The following WDR48 variants were observed in gnomAD, a reference collection of about 807,000 sequenced individuals.
WDR48 encodes WD repeat-containing protein 48.
WDR48 carries 22 observed loss-of-function variants against 94.0 expected under a neutral mutation model. The ratio of observed to expected loss-of-function variants is 0.23; its 90% confidence interval spans 0.17 to 0.33. The LOEUF is 0.33. WDR48 is among the 10% of genes least tolerant of loss of function. The pLI is 1.00. For missense variants in WDR48, 541 were observed against 813.8 expected (o/e 0.66, Z 4.08); for synonymous variants, 278 against 280.5 (o/e 0.99, Z 0.09).
Position 39,066,890 on chromosome 3 carries a change from A to C in WDR48, c.481+15A>C, listed in dbSNP as rs771234711. On this transcript the variant is annotated intron_variant, in intron 5 of 18. Transcript: ENST00000302313. ...CACTGTCACAAGTAAGGTGTTTAAA[A>C]GAAACTTCTTTGAAAGTGATCCAAG... The C allele has an allele frequency of 6.2e-7, 1 of 1,606,422 alleles. No homozygotes were observed. Among genetic ancestry groups the C allele is most frequent in the Non-Finnish European group, 8.5e-7 (1 of 1,177,432 alleles).
chr3:39,088,278 A>G, intron 15 of WDR48, 45 bp downstream of exon 15: 1 of 1,579,146 alleles, frequency 6.3e-7, no homozygotes, highest in Non-Finnish European at 8.7e-7. Context: ...AAGGTATCCC[A>G]TTTGCTAAGA....
chr3:39,085,504 CT>C lies in WDR48; in HGVS notation c.1379-5del, dbSNP rs964121214. 6.2e-7 allele frequency: 1 copy of C among 1,603,276 alleles called. No homozygotes were observed. Among genetic ancestry groups the C allele is most frequent in the African/African-American group, 1.3e-5 (1 of 74,592 alleles). ...TTCCATTTTATCTCTTTTTAATTAA[CT>C]TTTTTGCAGTGAATTTAGGAGGACT... On this transcript the variant is annotated splice_polypyrimidine_tract_variant and intron_variant, in intron 13 of 18. Transcript: ENST00000302313.
At chr3:39,092,638 A>AGTCT (rs1395056991) in intron 17 of WDR48, among the ~76,000 whole-genome samples, 1 of 152,130 alleles carries the variant, frequency 6.6e-6, no homozygotes, top group Non-Finnish European at 1.5e-5. Context: ...GTCCAGGGAG[A>AGTCT]CCCAAGAGAA....
At position 39,075,041 on chromosome 3, in the gene WDR48, A is replaced by G. The variant is rs551888994; in HGVS notation, c.897+91A>G. 173 of 1,297,728 alleles carry G rather than the reference A, an allele frequency of 1.3e-4. No homozygotes were observed. The African/African-American group carries it at 2.2e-3, about 17-fold the overall frequency. The allele number at this position is 1,297,728 out of a possible 1,614,324, so 80.4% of individuals were successfully genotyped here. A position where few individuals can be genotyped will look rare whatever the true frequency, so the allele number is the denominator to read the frequency against. The stretch of plus-strand genomic sequence containing the variant: ...AAAAGCTATATTAAAACATGACTCA[A>G]CTGCAGGGTTCGGAGGGGGAAGGTT... On this transcript the variant is annotated intron_variant, in intron 8 of 18. Transcript: ENST00000302313.
At position 39,095,156 on chromosome 3, in the gene WDR48, C is replaced by T. The variant is rs1182896449; in HGVS notation, c.*413C>T. 3 of 179,032 alleles carry T rather than the reference C, an allele frequency of 1.7e-5. No homozygotes were observed. The highest frequency in any genetic ancestry group is 7.1e-5 in the African/African-American group (3 of 42,356). 11.1% of individuals were successfully genotyped at this position (179,032 alleles called of 1,614,324 possible). ...CACACACTCTGTAGCTTTTCTAAAA[C>T]AGTACATTCCATTCATGCAGTAGAT... On this transcript the variant is annotated 3_prime_UTR_variant, in exon 19 of 19. Coordinates refer to ENST00000302313, the MANE Select transcript of WDR48 (RefSeq NM_020839.4).
intron 5 of WDR48, among the ~76,000 whole-genome samples, chr3:39,068,180 A>T (rs1157554390): frequency 6.6e-6 from 1 of 152,192 alleles, no homozygotes; most frequent in African/African-American, 2.4e-5. Flanking sequence ...TAAACAGTAC[A>T]TGTAGTAACT....
chr3:39,064,619 G>A (rs1460693918), intron 2 of WDR48, among the ~76,000 whole-genome samples: 1 of 152,112 alleles, frequency 6.6e-6, no homozygotes, highest in Non-Finnish European at 1.5e-5. Flanking sequence ...AGAAACCCAT[G>A]GTTATGTGGC....
chr3:39,075,076 GAT>G, intron 8 of WDR48, 126 bp downstream of exon 8: 1 of 882,202 alleles, frequency 1.1e-6, no homozygotes, highest in Middle Eastern at 3.7e-4. Flanking sequence ...TTGTAAAAAA[GAT>G]ATTCCATCAT....
intron 5 of WDR48, among the ~76,000 whole-genome samples, 191 bp from the exon 6 acceptor site, chr3:39,068,576 ATATT>A (rs2033749605): frequency 6.6e-6 from 1 of 152,234 alleles, no homozygotes; most frequent in African/African-American, 2.4e-5. Flanking sequence ...GCATTTGTAT[ATATT>A]CAAATCCAGA....
At chr3:39,053,790 A>C (rs2032658005) in intron 1 of WDR48, among the ~76,000 whole-genome samples, 1 of 152,222 alleles carries the variant, frequency 6.6e-6, no homozygotes, top group South Asian at 2.1e-4. Context: ...GGGATGGAGA[A>C]AATGTAAATT....
At chr3:39,093,063 A>G (rs2035169698) in intron 17 of WDR48, among the ~76,000 whole-genome samples, 1 of 152,214 alleles carries the variant, frequency 6.6e-6, no homozygotes, top group African/African-American at 2.4e-5. Flanking sequence ...AGTTTGGGAC[A>G]TACAGAGTTT....
At chr3:39,080,390 C>T (rs2034459910) in intron 11 of WDR48, among the ~76,000 whole-genome samples, 1 of 152,236 alleles carries the variant, frequency 6.6e-6, no homozygotes, top group Admixed American at 6.5e-5. Context: ...GTTACAATAA[C>T]TCCTTCTGGG....
At chr3:39,057,835 A>G (rs1016997253) in intron 1 of WDR48, among the ~76,000 whole-genome samples, 1 of 151,960 alleles carries the variant, frequency 6.6e-6, no homozygotes, top group Non-Finnish European at 1.5e-5. Flanking sequence ...GTTGGCCAGG[A>G]TGGTCTTGAT....
intron 17 of WDR48, among the ~76,000 whole-genome samples, chr3:39,093,413 AGAGTGCAGTGGCGTATCTTG>A (rs1374115173): frequency 6.6e-6 from 1 of 152,168 alleles, no homozygotes; most frequent in Non-Finnish European, 1.5e-5. Context: ...CGCCCAGGCT[AGAGTGCAGTGGCGTATCTTG>A]GCTCACTGCA....
intron 1 of WDR48, among the ~76,000 whole-genome samples, chr3:39,056,251 A>G (rs2032879344): frequency 6.6e-6 from 1 of 152,238 alleles, no homozygotes; most frequent in African/African-American, 2.4e-5. Context: ...GTTATAAAAT[A>G]GTAAAGGAAG....
At chr3:39,055,956 C>T (rs947457476) in intron 1 of WDR48, among the ~76,000 whole-genome samples, 2 of 152,226 alleles carry the variant, frequency 1.3e-5, no homozygotes, top group African/African-American at 4.8e-5. Flanking sequence ...TAGAATAGTG[C>T]CAGGCAACAA....
At chr3:39,052,204 C>A in intron 1 of WDR48, 131 bp downstream of exon 1, 1 of 1,126,956 alleles carries the variant, frequency 8.9e-7, no homozygotes, top group Non-Finnish European at 1.3e-6. Context: ...CGCGGCCGGC[C>A]ACGAGGGGTG....
intron 1 of WDR48, among the ~76,000 whole-genome samples, chr3:39,053,760 C>A (rs1309572416): frequency 6.6e-6 from 1 of 152,124 alleles, no homozygotes; most frequent in Non-Finnish European, 1.5e-5. Context: ...AAAAGACTTA[C>A]AAGGCAATTG....
chr3:39,060,565 T>G (rs952383158), intron 1 of WDR48, among the ~76,000 whole-genome samples: 2 of 152,222 alleles, frequency 1.3e-5, no homozygotes, highest in Non-Finnish European at 2.9e-5. Flanking sequence ...AGGTTTTGAC[T>G]TGTATTTGGC....
Sources: allele counts gnomAD v4.1 joint callset (sites outside exome capture counted in the v4.1 genomes callset), GRCh38; gene constraint gnomAD v4.1.1; transcripts MANE v1.5; gene names NCBI Gene and HGNC (gene_info 2026-07-23, HGNC 2026-07-21).